C3orf49: variants seen among roughly 807,000 people sequenced by gnomAD.
C3orf49 encodes chromosome 3 open reading frame 49.
Under a neutral mutation model 13.3 loss-of-function variants are expected in C3orf49, and 27 were observed. The ratio of observed to expected loss-of-function variants is 2.02; its 90% CI spans 1.49 to 2.79. The LOEUF (loss-of-function observed/expected upper bound fraction) is 2.79. C3orf49 is among the 30% of genes most tolerant of loss of function. C3orf49 has a pLI of 0.00. For synonymous variants in C3orf49, 87 were observed against 47.6 expected (o/e 1.83, Z -3.40); for missense variants, 242 against 134.2 (o/e 1.80, Z -3.97).
chr3:63,816,616 C>T (rs555594849), upstream of C3orf49, among the ~76,000 whole-genome samples: 1 of 151,220 alleles, frequency 6.6e-6, no homozygotes, highest in East Asian at 2.0e-4. Flanking sequence ...ACCAAAAAAA[C>T]CTCAACAACT....
At chr3:63,785,054 C>A in the C3orf49 span, among the ~76,000 whole-genome samples, 3 of 135,568 alleles carry the variant, frequency 2.2e-5, no homozygotes, top group Non-Finnish European at 3.1e-5. Context: ...CACTGGACTT[C>A]TCTTCTTCTT....
chr3:63,796,044 C>G, the C3orf49 span, among the ~76,000 whole-genome samples: 1 of 152,094 alleles, frequency 6.6e-6, no homozygotes, highest in African/African-American at 2.4e-5. Context: ...TGTGATAATG[C>G]AGAGACAGTA....
At chr3:63,819,266 A>G, upstream of C3orf49, 1 of 506,320 alleles carries the variant, frequency 2.0e-6, no homozygotes, top group Non-Finnish European at 3.6e-6. Context: ...ACCTCTGTGA[A>G]GTTGTAAACA....
chr3:63,835,012 G>C, intron 5 of C3orf49: 1 of 729,700 alleles, frequency 1.4e-6, no homozygotes, highest in Non-Finnish European at 2.2e-6. Flanking sequence ...AGTTGAACAT[G>C]AGTACCTTCT....
At chr3:63,828,974 T>G (rs1187952721) in intron 3 of C3orf49, among the ~76,000 whole-genome samples, 1 of 152,180 alleles carries the variant, frequency 6.6e-6, no homozygotes, top group African/African-American at 2.4e-5. Flanking sequence ...TAAATAAAAT[T>G]AGAAGTGCAG....
the C3orf49 span, chr3:63,787,152 G>A: frequency 1.8e-4 from 28 of 152,272 alleles, no homozygotes; most frequent in African/African-American, 4.6e-4. Context: ...GTTCTGATTC[G>A]TTTTAATTCA....
At chr3:63,838,022 G>A (rs750393532) in intron 5 of C3orf49, 1 of 1,608,442 alleles carries the variant, frequency 6.2e-7, no homozygotes, top group Non-Finnish European at 8.5e-7. Context: ...TTTGCTTTTT[G>A]CACTCAGCAA....
At chr3:63,845,113 G>A (rs1016363235) in intron 6 of C3orf49, 31 bp downstream of exon 6, 2 of 685,246 alleles carry the variant, frequency 2.9e-6, no homozygotes, top group South Asian at 1.5e-5. Flanking sequence ...TGGGGGTGGG[G>A]GGTACTATCT....
rs1260549901 is a variant in C3orf49, at chr3:63,831,673, G to C, written c.685-7G>C. ...TGGCTTCATTTCTTTGTATTTATCT[G>C]TCATAGGTGGATGACCTCATAGAAA... On this transcript the variant is annotated splice_polypyrimidine_tract_variant and splice_region_variant and intron_variant, in intron 4 of 6. Transcript: ENST00000295896. 3 of 702,638 alleles carry C rather than the reference G, an allele frequency of 4.3e-6. No homozygotes were observed. In the African/African-American group the frequency reaches 5.2e-5, roughly 12 times the overall value. The allele number at this position is 702,638 out of a possible 1,614,324, so 43.5% of individuals were successfully genotyped here.
intron 6 of C3orf49, chr3:63,846,167 A>C (rs767244035): frequency 2.0e-5 from 9 of 441,324 alleles, no homozygotes; most frequent in Non-Finnish European, 4.1e-5. Flanking sequence ...CTGAATATTT[A>C]CAATCTACTA....
At chr3:63,789,216 C>T in the C3orf49 span, among the ~76,000 whole-genome samples, 2,247 of 152,158 alleles carry the variant, frequency 0.015, 29 homozygotes, top group South Asian at 0.065. Flanking sequence ...CTAGGCTGCA[C>T]GCTCTTTATG....
intron 5 of C3orf49, among the ~76,000 whole-genome samples, chr3:63,842,485 TG>T (rs2107133205): frequency 6.6e-6 from 1 of 152,252 alleles, no homozygotes; most frequent in South Asian, 2.1e-4. Context: ...AAAGAAAATG[TG>T]GTATCTATAC....
chr3:63,848,584 T>C lies in C3orf49; in HGVS notation c.*251T>C, dbSNP rs79680294. On this transcript the variant is annotated 3_prime_UTR_variant, in exon 7 of 7. Coordinates refer to ENST00000295896, the MANE Select transcript of C3orf49 (RefSeq NM_001355236.2). ...ACCTTCGGCACATCTCAGGACCTCC[T>C]GATGCTGTGGCATGTCTTTAACCTT... 3,589 of 152,330 alleles carry C rather than the reference T, an allele frequency of 0.024. 79 individuals are homozygous for C. The highest frequency in any genetic ancestry group is 0.059 in the African/African-American group (2,463 of 41,568). 9.4% of individuals were successfully genotyped at this position (152,330 alleles called of 1,614,324 possible). A position where few individuals can be genotyped will look rare whatever the true frequency, so the allele number is the denominator to read the frequency against.
the C3orf49 span, among the ~76,000 whole-genome samples, chr3:63,807,262 T>A: frequency 6.6e-6 from 1 of 152,184 alleles, no homozygotes; most frequent in Non-Finnish European, 1.5e-5. Context: ...CTCATACATA[T>A]TTTTTGAATG....
At chr3:63,796,568 T>A in the C3orf49 span, among the ~76,000 whole-genome samples, 1 of 152,148 alleles carries the variant, frequency 6.6e-6, no homozygotes, top group South Asian at 2.1e-4. Flanking sequence ...TCAGCAACAT[T>A]CTACCCCAAG....
intron 5 of C3orf49, among the ~76,000 whole-genome samples, chr3:63,839,193 A>C (rs1418236537): frequency 6.6e-6 from 1 of 151,976 alleles, no homozygotes; most frequent in Non-Finnish European, 1.5e-5. Flanking sequence ...CTGTCTCACA[A>C]AAAAAAAGAT....
At chr3:63,846,838 C>T (rs994839951) in intron 6 of C3orf49, among the ~76,000 whole-genome samples, 23 of 152,162 alleles carry the variant, frequency 1.5e-4, no homozygotes, top group African/African-American at 5.5e-4. Context: ...TATCAAGTAC[C>T]CAACAAGTCC....
the C3orf49 span, among the ~76,000 whole-genome samples, chr3:63,812,883 C>G: frequency 6.6e-6 from 1 of 152,174 alleles, no homozygotes; most frequent in South Asian, 2.1e-4. Flanking sequence ...TTCTCCCCAC[C>G]TCTGCTGCTC....
At chr3:63,843,269 C>T (rs2107135137) in intron 5 of C3orf49, among the ~76,000 whole-genome samples, 1 of 152,140 alleles carries the variant, frequency 6.6e-6, no homozygotes, top group South Asian at 2.1e-4. Flanking sequence ...CAGGCATGTG[C>T]CACCATGCCC....
Sources: allele counts gnomAD v4.1 joint callset (sites outside exome capture counted in the v4.1 genomes callset), GRCh38; gene constraint gnomAD v4.1.1; transcripts MANE v1.5; gene names NCBI Gene and HGNC (gene_info 2026-07-23, HGNC 2026-07-21).